Variants in LAMP2 observed in about 807,000 individuals in gnomAD.
The protein encoded by LAMP2 is lysosome associated membrane protein 2.
Under a neutral mutation model 25.6 loss-of-function variants are expected in LAMP2, and 4 were observed. That is an observed-to-expected ratio of 0.16 (90% CI 0.08 to 0.36). The LOEUF (loss-of-function observed/expected upper bound fraction) is 0.36, where lower values mean the gene tolerates loss of function less well. Among genes scored for constraint, LAMP2 ranks in the 10% least tolerant of loss-of-function variants. The pLI is 1.00. For missense variants in LAMP2, 272 were observed against 301.4 expected (o/e 0.90, Z 0.72); for synonymous variants, 108 against 112.7 (o/e 0.96, Z 0.27).
At chrX:120,449,662 G>C (rs2058613307) in intron 3 of LAMP2, among the ~76,000 whole-genome samples, 1 of 112,229 alleles carries the variant, frequency 8.9e-6, no homozygotes, top group Admixed American at 9.4e-5. Context: ...TGGGGGTTAA[G>C]AAGGAAAGAC....
Position 120,428,460 on chromosome X carries a change from C to A in LAMP2, c.*2863G>T. ...AAACGTAACTTCTAATTGAAAAAAA[C>A]AAACAAACACTAGATTTAACTGATT... On this transcript the variant is annotated 3_prime_UTR_variant, in exon 9 of 9. Transcript: ENST00000200639. 8.7e-7 allele frequency: 1 copy of A among 1,143,178 alleles called. No homozygotes were observed. The highest frequency in any genetic ancestry group is 1.2e-6 in the Non-Finnish European group (1 of 864,934). 94.2% of individuals were successfully genotyped at this position (1,143,178 alleles called of 1,213,427 possible).
chrX:120,432,950 A>G (rs1013358051), intron 8 of LAMP2, among the ~76,000 whole-genome samples: 1 of 109,796 alleles, frequency 9.1e-6, no homozygotes, highest in Non-Finnish European at 1.9e-5. Flanking sequence ...AAAAATCACT[A>G]TGTCCTAACC....
intron 8 of LAMP2, chrX:120,436,690 C>T: frequency 1.4e-6 from 1 of 736,290 alleles, no homozygotes; most frequent in Non-Finnish European, 1.6e-6. Context: ...TAGAGCGTTA[C>T]CATCAAGGTA....
intron 3 of LAMP2, among the ~76,000 whole-genome samples, chrX:120,454,961 A>T (rs1256709455): frequency 9.9e-6 from 1 of 100,916 alleles, no homozygotes; most frequent in Non-Finnish European, 2.0e-5. Context: ...ATACACACAC[A>T]CTAGGATATA....
In LAMP2 at chrX:120,455,340, TC is replaced by T. The variant is rs1255588806; in HGVS notation, c.397+16del. 5.3e-6 allele frequency: 6 copies of T among 1,132,989 alleles called. No homozygotes were observed. The highest frequency in any genetic ancestry group is 4.4e-5 in the Admixed American group (2 of 45,327). The allele number at this position is 1,132,989 out of a possible 1,213,427, so 93.4% of individuals were successfully genotyped here. A position where few individuals can be genotyped will look rare whatever the true frequency, so the allele number is the denominator to read the frequency against. On this transcript the variant is annotated intron_variant, in intron 3 of 8. Coordinates refer to ENST00000200639, the MANE Select transcript of LAMP2 (RefSeq NM_002294.3). ...AAAAAGCAAGAGAACATAACACAAA[TC>T]CATTCTTAAGGTTACCTTTATCTTC...
In LAMP2 at chrX:120,455,450, A is replaced by G. The variant is rs1369743540; in HGVS notation, c.304T>C (p.Phe102Leu). 9 of 1,210,605 alleles carry G rather than the reference A, an allele frequency of 7.4e-6. No homozygotes were observed. The highest frequency in any genetic ancestry group is 1.0e-5 in the Non-Finnish European group (9 of 894,667). The part of the protein sequence containing the change: ...FGPGFSWIAN[F>L]TKAASTYSID... Reference sequence around the variant, plus strand: ...GAATAAGTAGATGCTGCCTTGGTAAAATTCGCAATCCAGGAAAAGCCAGGT... The same window carrying G: ...GAATAAGTAGATGCTGCCTTGGTAAGATTCGCAATCCAGGAAAAGCCAGGT... Residue 102 changes from phenylalanine (F) to leucine (L), a missense_variant, in exon 3 of 9, where the codon TTT becomes CTT. Phe to Leu is a conservative substitution (Grantham distance 22, BLOSUM62 0). Coordinates refer to ENST00000200639, the MANE Select transcript of LAMP2 (RefSeq NM_002294.3).
In LAMP2 at chrX:120,428,388, A is replaced by G. The variant is rs2058506954; in HGVS notation, c.*2935T>C. 7 of 1,052,480 alleles carry G rather than the reference A, an allele frequency of 6.7e-6. No homozygotes were observed. In the South Asian group the frequency reaches 1.7e-4, roughly 25 times the overall value. 86.7% of individuals were successfully genotyped at this position (1,052,480 alleles called of 1,213,427 possible). ...GGAACTCACTGAAGTTAGTCTGCAT[A>G]TCTTAAACAATCTATTGCACAGCAT... On this transcript the variant is annotated 3_prime_UTR_variant, in exon 9 of 9. Coordinates refer to ENST00000200639, the MANE Select transcript of LAMP2 (RefSeq NM_002294.3).
intron 1 of LAMP2, among the ~76,000 whole-genome samples, chrX:120,461,388 C>T (rs931328352): frequency 2.7e-5 from 3 of 111,970 alleles, no homozygotes; most frequent in African/African-American, 9.7e-5. Flanking sequence ...GTCCCTCCTA[C>T]TGTCATAAGC....
intron 8 of LAMP2, chrX:120,438,103 C>A: frequency 2.6e-5 from 14 of 532,235 alleles, no homozygotes; most frequent in Non-Finnish European, 3.2e-5. Context: ...GTGATCCACC[C>A]ACTTCGGCCT....
At position 120,446,532 on chromosome X, in the gene LAMP2, T is replaced by C. The variant is rs751997992; in HGVS notation, c.742-105A>G. On this transcript the variant is annotated intron_variant, in intron 5 of 8. Coordinates refer to ENST00000200639, the MANE Select transcript of LAMP2 (RefSeq NM_002294.3). Reference sequence around the variant, plus strand: ...ATCAACTTCAGCGTAGAACAAAAAATCTTTTGTCTGGATACTTAAAATTCA... The same window carrying C: ...ATCAACTTCAGCGTAGAACAAAAAACCTTTTGTCTGGATACTTAAAATTCA... The C allele has an allele frequency of 1.5e-4, 137 of 887,215 alleles. 2 individuals carry two copies. The South Asian group carries it at 2.6e-3, about 17-fold the overall frequency. The allele number at this position is 887,215 out of a possible 1,213,427, so 73.1% of individuals were successfully genotyped here.
At chrX:120,454,257 G>A (rs1385164120) in intron 3 of LAMP2, among the ~76,000 whole-genome samples, 1 of 108,956 alleles carries the variant, frequency 9.2e-6, no homozygotes, top group East Asian at 2.9e-4. Context: ...AGCATTTCCT[G>A]TATAGGGTTT....
chrX:120,433,331 T>C (rs1663412254), intron 8 of LAMP2, among the ~76,000 whole-genome samples: 1 of 110,952 alleles, frequency 9.0e-6, no homozygotes, highest in African/African-American at 3.3e-5. Flanking sequence ...CAATACTCAT[T>C]TTGAGAAGTT....
Position 120,436,357 on chromosome X carries a change from A to G in LAMP2, c.1094-4895T>C, listed in dbSNP as rs1210967519. The G allele has an allele frequency of 1.2e-5, 3 of 260,224 alleles. No homozygotes were observed. The Admixed American group carries it at 2.8e-4, about 24-fold the overall frequency. 21.4% of individuals were successfully genotyped at this position (260,224 alleles called of 1,213,427 possible). On this transcript the variant is annotated intron_variant, in intron 8 of 8. Transcript: ENST00000200639. ...ACTATTCTTCCAGATGGTAATATAC[A>G]GACAGAACATCAGAACATTTTGCAA... is the stretch of plus-strand genomic sequence containing the variant.
rs1051086145 is a variant in LAMP2, at chrX:120,469,296, C to G, written c.-127G>C. On this transcript the variant is annotated 5_prime_UTR_variant, in exon 1 of 9. Coordinates refer to ENST00000200639, the MANE Select transcript of LAMP2 (RefSeq NM_002294.3). ...ACCACCGACCACAGCCTTGCAAAAG[C>G]CAGGAATCGGCGCTTCAGTGCGAGT... The G allele has an allele frequency of 6.0e-6, 4 of 666,241 alleles. No homozygotes were observed. The highest frequency in any genetic ancestry group is 5.4e-5 in the Admixed American group (2 of 37,166). The allele number at this position is 666,241 out of a possible 1,213,427, so 54.9% of individuals were successfully genotyped here.
chrX:120,462,593 G>A (rs1450981748), intron 1 of LAMP2, among the ~76,000 whole-genome samples: 1 of 109,847 alleles, frequency 9.1e-6, no homozygotes, highest in Non-Finnish European at 1.9e-5. Context: ...GCAAAAAGTG[G>A]CTAGGTTTTT....
At chrX:120,463,579 A>G (rs897528267) in intron 1 of LAMP2, among the ~76,000 whole-genome samples, 46 of 112,150 alleles carry the variant, frequency 4.1e-4, no homozygotes, top group African/African-American at 1.4e-3. Flanking sequence ...TACAGAAAGA[A>G]GAGCAGCCTT....
chrX:120,465,912 A>C (rs995971683), intron 1 of LAMP2, among the ~76,000 whole-genome samples: 5 of 112,610 alleles, frequency 4.4e-5, no homozygotes, highest in Admixed American at 2.8e-4. Flanking sequence ...GCAACTGCTA[A>C]ATTCTTGACA....
At chrX:120,455,672 A>C in intron 2 of LAMP2, 102 bp from the exon 3 acceptor site, 1 of 650,384 alleles carries the variant, frequency 1.5e-6, no homozygotes, top group Non-Finnish European at 2.5e-6. Flanking sequence ...TACATTCTCC[A>C]TGGCCAGGTT....
At chrX:120,451,463 T>G (rs1003057617) in intron 3 of LAMP2, among the ~76,000 whole-genome samples, 1 of 110,467 alleles carries the variant, frequency 9.1e-6, no homozygotes, top group Non-Finnish European at 1.9e-5. Context: ...TAGTTTTTTT[T>G]GTTGTTGTTG....
Sources: gnomAD v4.1 joint callset for allele counts (sites outside exome capture counted in the v4.1 genomes callset) on GRCh38, gnomAD v4.1.1 for gene constraint, MANE v1.5 for transcripts, NCBI Gene and HGNC (gene_info 2026-07-23, HGNC 2026-07-21) for gene names.